Variants in PSEN1 observed in about 807,000 individuals in gnomAD.
PSEN1 encodes the protein presenilin-1.
Under a neutral mutation model 53.5 loss-of-function variants are expected in PSEN1, and 15 were observed. That is an observed-to-expected ratio of 0.28 (90% CI 0.19 to 0.43). The LOEUF (loss-of-function observed/expected upper bound fraction) is 0.43. Among genes scored for constraint, PSEN1 ranks in the 20% least tolerant of loss-of-function variants. PSEN1 has a pLI of 1.00. For missense variants in PSEN1, 387 were observed against 571.2 expected, an observed-to-expected ratio of 0.68 and a Z score of 3.29; for synonymous variants, 208 against 209.8, an observed-to-expected ratio of 0.99 and a Z score of 0.08.
intron 1 of PSEN1, chr14:73,137,150 C>T (rs200808414): frequency 3.3e-5 from 5 of 152,494 alleles, no homozygotes; most frequent in African/African-American, 1.2e-4. Flanking sequence ...GTGGTCAGCT[C>T]TGCTTTAGGC....
intron 10 of PSEN1, among the ~76,000 whole-genome samples, chr14:73,213,554 T>C (rs1258112805): frequency 3.3e-5 from 5 of 152,210 alleles, no homozygotes; most frequent in Non-Finnish European, 7.3e-5. Context: ...TCTGATGGTG[T>C]GAGCATGTTA....
At chr14:73,151,021 T>C (rs1264671145) in intron 3 of PSEN1, among the ~76,000 whole-genome samples, 3 of 151,858 alleles carry the variant, frequency 2.0e-5, no homozygotes, top group Admixed American at 2.0e-4. Flanking sequence ...TGAGCCGAGA[T>C]TGCACCACTG....
Position 73,223,332 on chromosome 14 carries a change from A to C in PSEN1, c.*4043A>C, listed in dbSNP as rs937475665. The C allele has an allele frequency of 6.6e-6, 1 of 152,266 alleles. No homozygotes were observed. The highest frequency in any genetic ancestry group is 1.5e-5 in the Non-Finnish European group (1 of 68,062). 9.4% of individuals were successfully genotyped at this position (152,266 alleles called of 1,614,324 possible). ...CTGAGCCCTGACATGTGGTGGCAGC[A>C]TTGCCAGTTGGTCTGTGTGTCTGTG... is the stretch of plus-strand genomic sequence containing the variant. On this transcript the variant is annotated 3_prime_UTR_variant, in exon 12 of 12. Coordinates refer to ENST00000324501, the MANE Select transcript of PSEN1 (RefSeq NM_000021.4).
At chr14:73,171,068 A>T (rs202094415) in intron 4 of PSEN1, 21 bp downstream of exon 4, 5 of 1,613,620 alleles carry the variant, frequency 3.1e-6, no homozygotes, top group Middle Eastern at 1.7e-4. Flanking sequence ...GTTTTGTTTT[A>T]TTATTCTCAA....
intron 5 of PSEN1, among the ~76,000 whole-genome samples, chr14:73,184,724 C>T (rs1185194493): frequency 6.8e-6 from 1 of 146,458 alleles, no homozygotes; most frequent in African/African-American, 2.5e-5. Context: ...CCGGATGGGG[C>T]GGCTGGCCTG....
At chr14:73,203,834 A>C (rs1159113403) in intron 8 of PSEN1, among the ~76,000 whole-genome samples, 1 of 152,138 alleles carries the variant, frequency 6.6e-6, no homozygotes, top group African/African-American at 2.4e-5. Flanking sequence ...ATTTCATATC[A>C]GTTGGGGGCG....
intron 3 of PSEN1, among the ~76,000 whole-genome samples, chr14:73,158,075 T>TAA (rs763977353): frequency 0.013 from 2,047 of 152,286 alleles, 24 homozygotes; most frequent in Non-Finnish European, 0.022. Context: ...GGTTCCTTTT[T>TAA]ATTGCTGAGT....
chr14:73,165,744 G>A (rs111475952), intron 3 of PSEN1, among the ~76,000 whole-genome samples: 12,251 of 135,186 alleles, frequency 0.091, 604 homozygotes, highest in South Asian at 0.2. Flanking sequence ...GTGAAACTCC[G>A]TCTTAAAAAA....
At chr14:73,196,806 A>G (rs1262035958) in intron 7 of PSEN1, among the ~76,000 whole-genome samples, 1 of 152,118 alleles carries the variant, frequency 6.6e-6, no homozygotes, top group Non-Finnish European at 1.5e-5. Context: ...AAATGCATTT[A>G]AGTGACAATA....
Position 73,148,034 on chromosome 14 carries a change from T to C in PSEN1, c.15T>C (p.Pro5=), listed in dbSNP as rs371112119. The C allele has an allele frequency of 8.1e-6, 13 of 1,613,544 alleles. No homozygotes were observed. Among genetic ancestry groups the C allele is most frequent in the Middle Eastern group, 1.6e-4 (1 of 6,082 alleles). Residue 5 remains proline, a synonymous_variant, in exon 3 of 12, where the codon CCT becomes CCC. Coordinates refer to ENST00000324501, the MANE Select transcript of PSEN1 (RefSeq NM_000021.4). MTEL[P]APLSYFQNAQ... ...CAGTTGCTCCAATGACAGAGTTACC[T>C]GCACCGTTGTCCTACTTCCAGAATG...
At chr14:73,209,062 C>T (rs960389813) in intron 9 of PSEN1, 1 of 317,690 alleles carries the variant, frequency 3.1e-6, no homozygotes, top group Non-Finnish European at 6.3e-6. Flanking sequence ...CACCCAGCCT[C>T]AGCCACAACT....
intron 4 of PSEN1, among the ~76,000 whole-genome samples, chr14:73,172,337 T>G (rs906126091): frequency 6.6e-6 from 1 of 152,196 alleles, no homozygotes. Flanking sequence ...TTTAGCCTTT[T>G]GGGAGAGCAT....
At chr14:73,158,276 T>TA (rs1491061514) in intron 3 of PSEN1, among the ~76,000 whole-genome samples, 88 of 140,348 alleles carry the variant, frequency 6.3e-4, no homozygotes, top group Admixed American at 8.1e-4. Flanking sequence ...TATATTTAAC[T>TA]TTTTTTTCTA....
Position 73,207,129 on chromosome 14 carries a change from C to A in PSEN1, c.955+657C>A, listed in dbSNP as rs548453832. Among the ~76,000 whole-genome samples, 5 of 152,054 alleles carry A rather than the reference C, an allele frequency of 3.3e-5. No homozygotes were observed. The East Asian group carries it at 9.7e-4, about 29-fold the overall frequency. On this transcript the variant is annotated intron_variant, in intron 9 of 11. Coordinates refer to ENST00000324501, the MANE Select transcript of PSEN1 (RefSeq NM_000021.4). ...CTAAGGAGTTCCGGATTACCCTGGG[C>A]AACTTATACCTTACCTCAAAAATAA...
At chr14:73,158,929 C>T (rs918726305) in intron 3 of PSEN1, among the ~76,000 whole-genome samples, 1 of 152,152 alleles carries the variant, frequency 6.6e-6, no homozygotes, top group African/African-American at 2.4e-5. Context: ...AGTTACATCT[C>T]ATTTTGGTTT....
intron 3 of PSEN1, among the ~76,000 whole-genome samples, chr14:73,155,697 T>C (rs957337113): frequency 1.6e-4 from 25 of 151,936 alleles, no homozygotes; most frequent in Admixed American, 1.5e-3. Context: ...TTTCACTTTT[T>C]TTGTAGAGCT....
At chr14:73,156,807 C>T (rs1897369620) in intron 3 of PSEN1, among the ~76,000 whole-genome samples, 3 of 151,868 alleles carry the variant, frequency 2.0e-5, no homozygotes, top group Admixed American at 2.0e-4. Flanking sequence ...CGACTACAGG[C>T]GTCCGCCACC....
chr14:73,195,203 C>T (rs952982114), intron 7 of PSEN1, among the ~76,000 whole-genome samples: 5 of 151,862 alleles, frequency 3.3e-5, no homozygotes, highest in South Asian at 2.1e-4. Flanking sequence ...GATAGAGTCT[C>T]GCTTTGTTGC....
At chr14:73,143,921 C>G (rs756593202) in intron 1 of PSEN1, among the ~76,000 whole-genome samples, 3 of 125,232 alleles carry the variant, frequency 2.4e-5, no homozygotes, top group East Asian at 5.4e-4. Flanking sequence ...GCCAGGAGTT[C>G]AAGGCTGCAG....
Sources: allele counts gnomAD v4.1 joint callset (sites outside exome capture counted in the v4.1 genomes callset), GRCh38; gene constraint gnomAD v4.1.1; transcripts MANE v1.5; gene names NCBI Gene and HGNC (gene_info 2026-07-23, HGNC 2026-07-21).